The following ATP8B1 variants were observed in gnomAD, a reference collection of about 807,000 sequenced individuals.
ATP8B1 encodes phospholipid-transporting ATPase IC.
Under a neutral mutation model 149.9 loss-of-function variants are expected in ATP8B1, and 80 were observed. The observed-to-expected ratio is 0.53, with a 90% confidence interval of 0.45 to 0.64. ATP8B1 has a LOEUF of 0.64. ATP8B1 is among the 30% of genes least tolerant of loss of function. The probability of loss-of-function intolerance (pLI) is 0.00; values close to 1 mark genes in which losing one functional copy is unlikely to be tolerated. For synonymous variants in ATP8B1, 536 were observed against 562.8 expected (o/e 0.95, Z 0.67); for missense variants, 1,247 against 1,552.6 (o/e 0.80, Z 3.31).
At chr18:57,722,103 T>C in intron 2 of ATP8B1, among the ~76,000 whole-genome samples, 1 of 141,366 alleles carries the variant, frequency 7.1e-6, no homozygotes. Flanking sequence ...AAGCAGTGTG[T>C]AGAGGGAAAT....
chr18:57,682,513 G>A (rs1054239199), intron 15 of ATP8B1, among the ~76,000 whole-genome samples: 1 of 152,140 alleles, frequency 6.6e-6, no homozygotes, highest in South Asian at 2.1e-4. Flanking sequence ...ATCCTATCAC[G>A]TACCCAGAGA....
At chr18:57,703,351 C>T (rs918220799) in intron 4 of ATP8B1, among the ~76,000 whole-genome samples, 1 of 152,070 alleles carries the variant, frequency 6.6e-6, no homozygotes, top group Admixed American at 6.6e-5. Context: ...GGGTGGATCA[C>T]CTGAATTCAG....
intron 2 of ATP8B1, among the ~76,000 whole-genome samples, chr18:57,717,704 A>G (rs572101371): frequency 6.6e-6 from 1 of 152,018 alleles, no homozygotes; most frequent in South Asian, 2.1e-4. Context: ...AAGATCAATG[A>G]AACAAAAACG....
intron 2 of ATP8B1, among the ~76,000 whole-genome samples, chr18:57,712,000 T>C (rs1221189014): frequency 6.6e-6 from 1 of 151,786 alleles, no homozygotes; most frequent in African/African-American, 2.4e-5. Context: ...TTTACATGTA[T>C]TACTGTTTTA....
intron 15 of ATP8B1, among the ~76,000 whole-genome samples, chr18:57,680,194 C>G (rs932056885): frequency 2.2e-5 from 3 of 137,236 alleles, no homozygotes; most frequent in Non-Finnish European, 4.6e-5. Context: ...GGAGAATCAC[C>G]TGAACCTGGG....
At chr18:57,738,345 C>G (rs575376645) in intron 1 of ATP8B1, among the ~76,000 whole-genome samples, 2 of 152,182 alleles carry the variant, frequency 1.3e-5, no homozygotes, top group Non-Finnish European at 1.5e-5. Context: ...GGAAACAGAC[C>G]GGATGCGGTG....
chr18:57,687,773 ATTT>A (rs11342488), intron 13 of ATP8B1, among the ~76,000 whole-genome samples: 15 of 95,264 alleles, frequency 1.6e-4, no homozygotes, highest in Non-Finnish European at 2.0e-4. Flanking sequence ...GAGACTTCTA[ATTT>A]TTTTTTTTTT....
chr18:57,747,375 C>T (rs553170693), intron 1 of ATP8B1, among the ~76,000 whole-genome samples: 4 of 151,878 alleles, frequency 2.6e-5, no homozygotes, highest in Non-Finnish European at 5.9e-5. Flanking sequence ...ATTGCTTGAA[C>T]CCGGGAGGTG....
At chr18:57,782,803 CTTTT>C (rs79009229) in intron 1 of ATP8B1, among the ~76,000 whole-genome samples, 30 of 91,148 alleles carry the variant, frequency 3.3e-4, no homozygotes, top group East Asian at 1.2e-3. Flanking sequence ...TAGTTTGTCT[CTTTT>C]TTTTTTTTTT....
intron 19 of ATP8B1, chr18:57,668,091 AC>A: frequency 7.6e-7 from 1 of 1,319,576 alleles, no homozygotes; most frequent in Non-Finnish European, 9.9e-7. Flanking sequence ...CTCTGTGCCC[AC>A]CAAATGTCAA....
rs752763738 is a variant in ATP8B1 at position 57,661,257 on chromosome 18, A to G, written c.2624T>C (p.Met875Thr). The change falls in exon 22 of 28, where the codon ATG becomes ACG. Residue 875 changes from methionine (M) to threonine (T), a missense_variant. Around this residue, in one of 3 missense-constraint regions of ATP8B1, gnomAD observed 230 missense variants for 356.6 expected, o/e 0.65. Transcript: ENST00000648908. ...CCRVTPKQKA[M>T]VVDLVKRYKK... Reference sequence around the variant, plus strand: ...GTACCTCTTCACCAGGTCCACCACCATGGCCTTCTGCTTGGGGGTGACGCG... The same window carrying G: ...GTACCTCTTCACCAGGTCCACCACCGTGGCCTTCTGCTTGGGGGTGACGCG... 25 of 1,613,904 alleles carry G rather than the reference A, an allele frequency of 1.5e-5. No homozygotes were observed. The highest frequency in any genetic ancestry group is 2.0e-5 in the Non-Finnish European group (24 of 1,179,982).
chr18:57,671,391 C>G (rs979482278), intron 17 of ATP8B1, 77 bp downstream of exon 17: 10 of 1,266,902 alleles, frequency 7.9e-6, no homozygotes, highest in Non-Finnish European at 1.2e-5. Flanking sequence ...TAACATACAG[C>G]TTTCATGCAA....
intron 1 of ATP8B1, among the ~76,000 whole-genome samples, chr18:57,799,914 TA>T (rs2080557867): frequency 6.6e-6 from 1 of 152,028 alleles, no homozygotes; most frequent in African/African-American, 2.4e-5. Context: ...GATTCAGGAG[TA>T]ACTTGGTTAA....
intron 1 of ATP8B1, among the ~76,000 whole-genome samples, chr18:57,741,864 C>T (rs192026448): frequency 9.9e-5 from 15 of 152,166 alleles, no homozygotes; most frequent in African/African-American, 3.6e-4. Flanking sequence ...GGAGTCTGCC[C>T]AGTATTCTTT....
chr18:57,799,831 C>T (rs2080556727), intron 1 of ATP8B1, among the ~76,000 whole-genome samples: 1 of 151,886 alleles, frequency 6.6e-6, no homozygotes, highest in Non-Finnish European at 1.5e-5. Flanking sequence ...CTAAACAATA[C>T]CAGGTCTTCA....
chr18:57,648,575 G>A lies in ATP8B1; in HGVS notation c.3669C>T (p.Ser1223=), dbSNP rs375842507. ...AGCGCTTCTTGCGGATGCTGCGCCC[G>A]GAGGAGATGAGGTCCGCGTAGCCCC... ...HQRGYADLIS[S]GRSIRKKRSP... Residue 1223 remains serine (S), a synonymous_variant, in exon 28 of 28, where the codon TCC becomes TCT. Coordinates refer to ENST00000648908, the MANE Select transcript of ATP8B1 (RefSeq NM_001374385.1). The A allele has an allele frequency of 1.7e-5, 28 of 1,611,220 alleles. No homozygotes were observed. Among genetic ancestry groups the A allele is most frequent in the Non-Finnish European group, 2.1e-5 (25 of 1,179,920 alleles).
At chr18:57,742,289 T>C (rs975055275) in intron 1 of ATP8B1, among the ~76,000 whole-genome samples, 4 of 152,302 alleles carry the variant, frequency 2.6e-5, no homozygotes, top group African/African-American at 9.6e-5. Context: ...TTAAACTTTA[T>C]ACTGTTATAG....
At chr18:57,657,728 C>T (rs576293427) in intron 22 of ATP8B1, among the ~76,000 whole-genome samples, 38 of 152,346 alleles carry the variant, frequency 2.5e-4, no homozygotes, top group African/African-American at 7.2e-4. Context: ...GAACAAGCCA[C>T]TGAGGAAAAT....
At position 57,648,404 on chromosome 18, in the gene ATP8B1, T is replaced by TCA. The variant is rs149870699; in HGVS notation, c.*82_*83dup. 250 of 1,406,634 alleles carry TCA rather than the reference T, an allele frequency of 1.8e-4. 2 individuals carry two copies. Among genetic ancestry groups the TCA allele is most frequent in the South Asian group, 1.6e-3 (140 of 86,170 alleles). 87.1% of individuals were successfully genotyped at this position (1,406,634 alleles called of 1,614,324 possible). On this transcript the variant is annotated 3_prime_UTR_variant, in exon 28 of 28. Transcript: ENST00000648908. The stretch of plus-strand genomic sequence containing the variant: ...TCAATATCTTTGTGATGAATGCAAT[T>TCA]CACACACACACACAAAGTCCTGAGA...
Sources: allele counts gnomAD v4.1 joint callset (sites outside exome capture counted in the v4.1 genomes callset), GRCh38; gene constraint gnomAD v4.1.1; regional missense constraint gnomAD v4.1.1; transcripts MANE v1.5; gene names NCBI Gene and HGNC (gene_info 2026-07-23, HGNC 2026-07-21).